The following DKK2 variants were observed in gnomAD, a reference collection of about 807,000 sequenced individuals.
DKK2 encodes dickkopf Wnt signaling pathway inhibitor 2.
DKK2 carries 11 observed loss-of-function variants against 28.1 expected under a neutral mutation model. The ratio of observed to expected loss-of-function variants is 0.39; its 90% CI spans 0.25 to 0.65. The LOEUF (loss-of-function observed/expected upper bound fraction) is 0.65, where lower values mean the gene tolerates loss of function less well. Among genes scored for constraint, DKK2 ranks in the 30% least tolerant of loss-of-function variants. DKK2 has a pLI of 0.47. For missense variants in DKK2, 326 were observed against 335.5 expected (o/e 0.97, Z 0.22); for synonymous variants, 135 against 126.5 (o/e 1.07, Z -0.45).
chr4:107,002,037 A>T (rs1723367299), intron 1 of DKK2, among the ~76,000 whole-genome samples: 1 of 152,224 alleles, frequency 6.6e-6, no homozygotes. Flanking sequence ...TTAAGCAGGA[A>T]GTCAAATGTT....
chr4:107,031,429 C>T (rs541818734), intron 1 of DKK2, among the ~76,000 whole-genome samples: 27 of 152,114 alleles, frequency 1.8e-4, no homozygotes, highest in African/African-American at 5.8e-4. Flanking sequence ...AAAGAAAATG[C>T]AGTCTACAAA....
rs538911933 is a variant in DKK2, at chr4:106,940,972, G to C, written c.223-15023C>G. Among the ~76,000 whole-genome samples the C allele has an allele frequency of 3.6e-4, 55 of 152,124 alleles. 1 individual carries two copies. The South Asian group carries it at 9.6e-3, about 26-fold the overall frequency. On this transcript the variant is annotated intron_variant, in intron 1 of 3. Transcript: ENST00000285311. ...GGGGACTGTTGTGTGGTGGGGTGAG[G>C]GGGGAGGGATAGCATTGGGAGATAC...
chr4:107,028,247 T>C (rs904967938), intron 1 of DKK2, among the ~76,000 whole-genome samples: 6 of 152,230 alleles, frequency 3.9e-5, no homozygotes, highest in Non-Finnish European at 8.8e-5. Context: ...TTTTGCTTTA[T>C]AATTCTTACT....
At chr4:106,937,619 A>G (rs1336337971) in intron 1 of DKK2, among the ~76,000 whole-genome samples, 3 of 151,904 alleles carry the variant, frequency 2.0e-5, no homozygotes, top group Non-Finnish European at 4.4e-5. Flanking sequence ...AAGCGGACCT[A>G]ATAGACATCT....
chr4:107,020,124 C>T (rs111512586), intron 1 of DKK2, among the ~76,000 whole-genome samples: 1 of 151,940 alleles, frequency 6.6e-6, no homozygotes, highest in African/African-American at 2.4e-5. Context: ...AATATAATTT[C>T]TTTTTTTGTG....
chr4:106,957,196 C>T (rs1379679285), intron 1 of DKK2, among the ~76,000 whole-genome samples: 1 of 151,934 alleles, frequency 6.6e-6, no homozygotes, highest in Non-Finnish European at 1.5e-5. Context: ...ATCAAAACCA[C>T]AATGAGATAC....
At chr4:107,033,931 T>A (rs146803943) in intron 1 of DKK2, among the ~76,000 whole-genome samples, 2 of 152,258 alleles carry the variant, frequency 1.3e-5, no homozygotes, top group East Asian at 3.9e-4. Context: ...TGTGTGAGGA[T>A]GTGCAACGGT....
At chr4:106,978,339 C>T (rs1159807114) in intron 1 of DKK2, among the ~76,000 whole-genome samples, 1 of 152,208 alleles carries the variant, frequency 6.6e-6, no homozygotes, top group East Asian at 1.9e-4. Flanking sequence ...GCTGCGCCCA[C>T]AGCCACCCCT....
intron 1 of DKK2, among the ~76,000 whole-genome samples, chr4:106,967,257 A>AACTT (rs774586478): frequency 1.2e-4 from 18 of 152,154 alleles, no homozygotes; most frequent in Non-Finnish European, 2.2e-4. Flanking sequence ...AAAGCCACCA[A>AACTT]ACTTAGATAA....
intron 1 of DKK2, among the ~76,000 whole-genome samples, chr4:106,972,700 T>G (rs1426418524): frequency 6.6e-6 from 1 of 152,110 alleles, no homozygotes; most frequent in Non-Finnish European, 1.5e-5. Flanking sequence ...TGAGTACCAA[T>G]GTATGAGAAG....
chr4:107,023,062 C>T (rs1723719849), intron 1 of DKK2, among the ~76,000 whole-genome samples: 1 of 152,098 alleles, frequency 6.6e-6, no homozygotes, highest in South Asian at 2.1e-4. Context: ...AGAACTTTTA[C>T]TGATAATCTA....
rs560409420 is a variant in DKK2, at chr4:107,018,201, A to G, written c.222+17169T>C. Among the ~76,000 whole-genome samples the G allele has an allele frequency of 2.0e-5, 3 of 152,202 alleles. No individual in the cohort carries two copies. In the East Asian group the frequency reaches 5.8e-4, roughly 29 times the overall value. ...TCAGTATAACTGTTGTCACTAGCAA[A>G]TAGCATAGCCAAGTCATACTTCCCA... On this transcript the variant is annotated intron_variant, in intron 1 of 3. Coordinates refer to ENST00000285311, the MANE Select transcript of DKK2 (RefSeq NM_014421.3).
chr4:106,935,985 C>T (rs1488312343), intron 1 of DKK2, among the ~76,000 whole-genome samples: 1 of 151,918 alleles, frequency 6.6e-6, no homozygotes, highest in Non-Finnish European at 1.5e-5. Flanking sequence ...TCATCAAAGA[C>T]CAAAAGTAGA....
chr4:107,014,842 C>T (rs544763846), intron 1 of DKK2, among the ~76,000 whole-genome samples: 13 of 151,578 alleles, frequency 8.6e-5, no homozygotes, highest in South Asian at 2.1e-4. Context: ...AACACACACA[C>T]ACACAGTCTT....
At chr4:106,971,620 ATTAC>A (rs1722869405) in intron 1 of DKK2, among the ~76,000 whole-genome samples, 1 of 152,108 alleles carries the variant, frequency 6.6e-6, no homozygotes, top group Non-Finnish European at 1.5e-5. Context: ...TGATGCTGCT[ATTAC>A]TTATTTCTAC....
chr4:106,934,966 G>A (rs1560574817), intron 1 of DKK2, among the ~76,000 whole-genome samples: 1 of 152,138 alleles, frequency 6.6e-6, no homozygotes, highest in Non-Finnish European at 1.5e-5. Context: ...CAGGTGTGCT[G>A]GTGCAGAGAG....
intron 1 of DKK2, among the ~76,000 whole-genome samples, chr4:106,984,768 A>G (rs1167399923): frequency 1.3e-5 from 2 of 152,256 alleles, no homozygotes; most frequent in Non-Finnish European, 2.9e-5. Flanking sequence ...AAACAAATAC[A>G]GATATCCTTC....
intron 1 of DKK2, among the ~76,000 whole-genome samples, chr4:106,990,742 C>T (rs1042500209): frequency 4.6e-5 from 7 of 152,104 alleles, no homozygotes; most frequent in African/African-American, 1.7e-4. Context: ...CAACTGGCAA[C>T]CAGAGGCAAG....
intron 1 of DKK2, among the ~76,000 whole-genome samples, chr4:107,021,939 T>C (rs919837130): frequency 2.2e-4 from 34 of 152,108 alleles, no homozygotes; most frequent in African/African-American, 8.0e-4. Flanking sequence ...GAAGAATTAC[T>C]AAAATCCCTT....
Sources: gnomAD v4.1 joint callset for allele counts (sites outside exome capture counted in the v4.1 genomes callset) on GRCh38, gnomAD v4.1.1 for gene constraint, MANE v1.5 for transcripts, NCBI Gene and HGNC (gene_info 2026-07-23, HGNC 2026-07-21) for gene names.